The following DPP10 variants were observed in gnomAD, a reference collection of about 807,000 sequenced individuals.
DPP10 encodes dipeptidyl peptidase like 10.
DPP10 carries 33 observed loss-of-function variants against 120.9 expected under a neutral mutation model. That is an observed-to-expected ratio of 0.27 (90% CI 0.21 to 0.37). DPP10 has a LOEUF of 0.37. Among genes scored for constraint, DPP10 ranks in the 10% least tolerant of loss-of-function variants. The pLI, the probability that DPP10 is intolerant of heterozygous loss-of-function variation, is 1.00. For missense variants in DPP10, 816 were observed against 942.8 expected, an observed-to-expected ratio of 0.87 and a Z score of 1.76; for synonymous variants, 337 against 326.1, an observed-to-expected ratio of 1.03 and a Z score of -0.36.
rs141163772 is a variant in DPP10, at chr2:115,287,794, T to C, written c.61-21445T>C. On this transcript the variant is annotated intron_variant, in intron 1 of 25. Transcript: ENST00000410059. ...AAACTAAAATACCTAGGGACATACTTGACCAAGGAGGTGAGGGATCTCTAC... is the reference window on the plus strand; with the variant it reads ...AAACTAAAATACCTAGGGACATACTCGACCAAGGAGGTGAGGGATCTCTAC... Among the ~76,000 whole-genome samples the C allele has an allele frequency of 3.2e-3, 481 of 152,214 alleles. 4 individuals carry two copies. The highest frequency in any genetic ancestry group is 0.011 in the African/African-American group (459 of 41,530).
intron 1 of DPP10, among the ~76,000 whole-genome samples, chr2:114,993,504 T>C (rs2104942182): frequency 6.7e-6 from 1 of 149,592 alleles, no homozygotes; most frequent in South Asian, 2.1e-4. Flanking sequence ...AACTGAAAAC[T>C]ATCCTGTCCT....
chr2:115,076,913 C>G (rs1396029044), intron 1 of DPP10, among the ~76,000 whole-genome samples: 2 of 152,354 alleles, frequency 1.3e-5, no homozygotes, highest in Admixed American at 6.5e-5. Flanking sequence ...TACTATCACA[C>G]TGCTATATTG....
chr2:114,571,359 C>G (rs184455135), intron 1 of DPP10, among the ~76,000 whole-genome samples: 2 of 152,256 alleles, frequency 1.3e-5, no homozygotes, highest in Admixed American at 1.3e-4. Context: ...TCCCTTTTGC[C>G]TTCCACCATG....
chr2:115,761,839 CT>C (rs1168823859), intron 11 of DPP10, among the ~76,000 whole-genome samples: 2 of 151,896 alleles, frequency 1.3e-5, no homozygotes, highest in Non-Finnish European at 2.9e-5. Flanking sequence ...AGGAAAGCCC[CT>C]AATATGTTGT....
intron 1 of DPP10, among the ~76,000 whole-genome samples, chr2:114,760,794 A>C (rs1165540090): frequency 6.6e-6 from 1 of 152,148 alleles, no homozygotes; most frequent in Non-Finnish European, 1.5e-5. Context: ...ATAAAAGCGC[A>C]ACTCGATTTC....
chr2:115,385,057 A>G (rs1237061356), intron 3 of DPP10, among the ~76,000 whole-genome samples: 3 of 152,098 alleles, frequency 2.0e-5, no homozygotes, highest in Non-Finnish European at 4.4e-5. Context: ...ACCTCCTGCC[A>G]TTATTCTGAG....
intron 1 of DPP10, among the ~76,000 whole-genome samples, chr2:114,535,451 A>G (rs1277374426): frequency 1.3e-5 from 2 of 152,200 alleles, no homozygotes; most frequent in African/African-American, 4.8e-5. Flanking sequence ...GTTTAGCAGT[A>G]CAATTTGAAT....
intron 3 of DPP10, among the ~76,000 whole-genome samples, chr2:115,403,619 C>G (rs893135001): frequency 1.3e-5 from 2 of 152,028 alleles, no homozygotes; most frequent in Admixed American, 1.3e-4. Context: ...ATTCTGGCCT[C>G]TAACTCCTAA....
At chr2:115,407,122 C>G (rs2068568914) in intron 3 of DPP10, among the ~76,000 whole-genome samples, 2 of 152,208 alleles carry the variant, frequency 1.3e-5, no homozygotes, top group South Asian at 4.1e-4. Context: ...AGAGGCCAGG[C>G]TCCTTCGCCC....
At chr2:114,475,211 A>G (rs1680272352) in intron 1 of DPP10, among the ~76,000 whole-genome samples, 1 of 152,164 alleles carries the variant, frequency 6.6e-6, no homozygotes, top group African/African-American at 2.4e-5. Context: ...TTTTTAAAAA[A>G]CACTTACCAT....
At chr2:115,345,062 C>A (rs1005878136) in intron 3 of DPP10, among the ~76,000 whole-genome samples, 1 of 152,094 alleles carries the variant, frequency 6.6e-6, no homozygotes, top group Admixed American at 6.5e-5. Context: ...TGATATGTCT[C>A]CTGGAGATCT....
intron 21 of DPP10, among the ~76,000 whole-genome samples, chr2:115,826,472 G>C (rs575266749): frequency 4.6e-5 from 7 of 152,118 alleles, no homozygotes; most frequent in African/African-American, 1.7e-4. Context: ...TGTAATCCCA[G>C]CACTTTGGGA....
intron 3 of DPP10, among the ~76,000 whole-genome samples, chr2:115,372,746 C>A (rs563325981): frequency 6.6e-6 from 1 of 152,314 alleles, no homozygotes; most frequent in East Asian, 1.9e-4. Context: ...ATAACCATCA[C>A]TGAAGTTAGA....
chr2:115,637,888 T>C (rs2086477111), intron 5 of DPP10, among the ~76,000 whole-genome samples: 1 of 152,156 alleles, frequency 6.6e-6, no homozygotes, highest in African/African-American at 2.4e-5. Context: ...CTTGTACCTG[T>C]ATCACATTCT....
At chr2:114,597,538 A>G (rs10496467) in intron 1 of DPP10, among the ~76,000 whole-genome samples, 22,381 of 151,966 alleles carry the variant, frequency 0.15, 2,010 homozygotes, top group African/African-American at 0.25. Flanking sequence ...TAGACATTAG[A>G]AATGAAGGCT....
chr2:114,652,055 G>C (rs764096214), intron 1 of DPP10, among the ~76,000 whole-genome samples: 9 of 152,136 alleles, frequency 5.9e-5, no homozygotes, highest in Non-Finnish European at 1.0e-4. Flanking sequence ...AAGAAAAAAG[G>C]GTCAGTGCGT....
intron 5 of DPP10, among the ~76,000 whole-genome samples, chr2:115,619,209 C>G (rs911065886): frequency 6.7e-6 from 1 of 149,210 alleles, no homozygotes; most frequent in Non-Finnish European, 1.5e-5. Flanking sequence ...TCCCCAGTAG[C>G]TGGGACTACA....
chr2:115,327,802 T>G (rs565929586), intron 2 of DPP10, among the ~76,000 whole-genome samples: 7 of 152,134 alleles, frequency 4.6e-5, no homozygotes, highest in African/African-American at 1.7e-4. Context: ...CAATTAATAT[T>G]TTTTACTACT....
chr2:114,554,570 G>GA (rs1434831558), intron 1 of DPP10, among the ~76,000 whole-genome samples: 1 of 152,216 alleles, frequency 6.6e-6, no homozygotes, highest in Non-Finnish European at 1.5e-5. Flanking sequence ...GGATCAAAAT[G>GA]AGGCTCTCAG....
Sources: allele counts gnomAD v4.1 joint callset (sites outside exome capture counted in the v4.1 genomes callset), GRCh38; gene constraint gnomAD v4.1.1; transcripts MANE v1.5; gene names NCBI Gene and HGNC (gene_info 2026-07-23, HGNC 2026-07-21).